The following IRAK2 variants were observed in gnomAD, a reference collection of about 807,000 sequenced individuals.
IRAK2 encodes interleukin-1 receptor-associated kinase-like 2.
IRAK2 carries 57 observed loss-of-function variants against 72.0 expected under a neutral mutation model. That is an observed-to-expected ratio of 0.79 (90% CI 0.64 to 0.99). The LOEUF is 0.99. Among genes scored for constraint, IRAK2 ranks in the 50% least tolerant of loss-of-function variants. IRAK2 has a pLI of 0.00. For missense variants in IRAK2, 790 were observed against 794.4 expected (o/e 0.99, Z 0.07); for synonymous variants, 293 against 312.7 (o/e 0.94, Z 0.67).
intron 1 of IRAK2, among the ~76,000 whole-genome samples, chr3:10,165,373 G>A (rs1475403972): frequency 6.6e-6 from 1 of 152,140 alleles, no homozygotes; most frequent in African/African-American, 2.4e-5. Flanking sequence ...GCCCACAACA[G>A]CCTGCAAAGT....
chr3:10,230,360 C>A (rs371994964), intron 10 of IRAK2, among the ~76,000 whole-genome samples: 2 of 151,706 alleles, frequency 1.3e-5, no homozygotes, highest in African/African-American at 4.8e-5. Context: ...TTCTTTGTCA[C>A]GAAGGCTGGA....
At chr3:10,188,718 G>A (rs542989514) in intron 2 of IRAK2, among the ~76,000 whole-genome samples, 2 of 152,222 alleles carry the variant, frequency 1.3e-5, no homozygotes, top group Non-Finnish European at 2.9e-5. Context: ...TAGAGACAGG[G>A]TTTCTCCATG....
At chr3:10,214,090 G>A (rs1056989434) in intron 6 of IRAK2, among the ~76,000 whole-genome samples, 2 of 151,836 alleles carry the variant, frequency 1.3e-5, no homozygotes, top group East Asian at 1.9e-4. Flanking sequence ...CACCAGGCCC[G>A]GCTAATTTTC....
intron 2 of IRAK2, among the ~76,000 whole-genome samples, chr3:10,182,833 C>T (rs1451874093): frequency 6.7e-6 from 1 of 150,084 alleles, no homozygotes; most frequent in South Asian, 2.1e-4. Context: ...TGCAGTAGTG[C>T]GATCTCAGCT....
chr3:10,224,363 A>T (rs1342229724), intron 9 of IRAK2, among the ~76,000 whole-genome samples: 2 of 151,346 alleles, frequency 1.3e-5, no homozygotes, highest in African/African-American at 4.9e-5. Flanking sequence ...AAAAAAAAGA[A>T]CCAGGGGGAT....
chr3:10,171,945 C>T (rs1696800268), intron 1 of IRAK2, among the ~76,000 whole-genome samples: 1 of 151,522 alleles, frequency 6.6e-6, no homozygotes. Flanking sequence ...TTTGCATTTT[C>T]AGTAGAGATG....
At chr3:10,176,865 T>C (rs1275497327) in intron 1 of IRAK2, among the ~76,000 whole-genome samples, 1 of 144,868 alleles carries the variant, frequency 6.9e-6, no homozygotes, top group Non-Finnish European at 1.5e-5. Flanking sequence ...TGCAATGGCG[T>C]GATCTTGGCT....
chr3:10,179,434 G>T (rs1456966970), intron 2 of IRAK2, among the ~76,000 whole-genome samples: 1 of 137,972 alleles, frequency 7.2e-6, no homozygotes, highest in African/African-American at 2.6e-5. Flanking sequence ...ACCACATCCA[G>T]CTAATTTTTT....
intron 11 of IRAK2, among the ~76,000 whole-genome samples, chr3:10,237,385 T>C (rs1446470259): frequency 6.6e-6 from 1 of 152,158 alleles, no homozygotes; most frequent in East Asian, 1.9e-4. Context: ...TGGAAGATAA[T>C]AAGCAGGCCT....
At chr3:10,167,576 G>A (rs113883505) in intron 1 of IRAK2, among the ~76,000 whole-genome samples, 24 of 152,056 alleles carry the variant, frequency 1.6e-4, no homozygotes, top group South Asian at 2.1e-4. Context: ...CACCATGCCC[G>A]GCTAATTTTT....
chr3:10,222,685 A>G lies in IRAK2; in HGVS notation c.1063A>G (p.Met355Val), dbSNP rs374745103. Residue 355 changes from methionine to valine, a missense_variant, in exon 9 of 13, where the codon ATG becomes GTG. Met to Val is a conservative substitution (Grantham distance 21, BLOSUM62 1). Coordinates refer to ENST00000256458, the MANE Select transcript of IRAK2 (RefSeq NM_001570.4). ...TCTCACCCCCAAACTTGCTCACCCA[A>G]TGGCTCATCTGTGTCCTGTCAACAA... ...QNLTPKLAHP[M>V]AHLCPVNKRS... The G allele has an allele frequency of 1.7e-5, 27 of 1,614,128 alleles. No individual in the cohort carries two copies. In the African/African-American group the frequency reaches 2.0e-4, roughly 12 times the overall value.
At chr3:10,196,291 T>A (rs922752771) in intron 2 of IRAK2, among the ~76,000 whole-genome samples, 9 of 152,190 alleles carry the variant, frequency 5.9e-5, no homozygotes, top group Admixed American at 5.9e-4. Context: ...ATTTTTGTAT[T>A]TTTAGTAGAG....
At chr3:10,166,612 AATATTCTT>A (rs1696692555) in intron 1 of IRAK2, among the ~76,000 whole-genome samples, 2 of 110,640 alleles carry the variant, frequency 1.8e-5, no homozygotes, top group South Asian at 2.8e-4. Flanking sequence ...CTAAGTGTTA[AATATTCTT>A]ATAAGTCATA....
intron 10 of IRAK2, among the ~76,000 whole-genome samples, chr3:10,226,945 CAA>C (rs200295331): frequency 0.25 from 23,907 of 97,482 alleles, 2,616 homozygotes; most frequent in East Asian, 0.63. Context: ...GACTCCATCT[CAA>C]AAAAAAAAAA....
intron 2 of IRAK2, among the ~76,000 whole-genome samples, chr3:10,182,599 T>C (rs1193899598): frequency 6.8e-6 from 1 of 147,610 alleles, no homozygotes; most frequent in African/African-American, 2.5e-5. Flanking sequence ...TTAGTAGAGA[T>C]GGGGTTTCGC....
chr3:10,210,678 G>A (rs1028689299), intron 4 of IRAK2, among the ~76,000 whole-genome samples: 2 of 151,984 alleles, frequency 1.3e-5, no homozygotes, highest in African/African-American at 4.8e-5. Context: ...CTTGAGCCCA[G>A]GAGTTGGAGA....
chr3:10,215,359 A>G (rs1318579721), intron 6 of IRAK2, among the ~76,000 whole-genome samples: 2 of 145,278 alleles, frequency 1.4e-5, no homozygotes, highest in East Asian at 4.0e-4. Flanking sequence ...GCACCACTGC[A>G]CTCCAGCCTG....
chr3:10,172,929 T>G (rs1435181403), intron 1 of IRAK2, among the ~76,000 whole-genome samples: 1 of 151,016 alleles, frequency 6.6e-6, no homozygotes, highest in African/African-American at 2.4e-5. Flanking sequence ...TCCGCTTGCC[T>G]TGGCCTCCCA....
chr3:10,167,726 A>G (rs1696719983), intron 1 of IRAK2, among the ~76,000 whole-genome samples: 1 of 151,846 alleles, frequency 6.6e-6, no homozygotes, highest in African/African-American at 2.4e-5. Context: ...GTTTCTTTTT[A>G]TTGTAGGATA....
Sources: gnomAD v4.1 joint callset for allele counts (sites outside exome capture counted in the v4.1 genomes callset) on GRCh38, gnomAD v4.1.1 for gene constraint, MANE v1.5 for transcripts, NCBI Gene and HGNC (gene_info 2026-07-23, HGNC 2026-07-21) for gene names.